The following SH3D19 variants were observed in gnomAD, a reference collection of about 807,000 sequenced individuals.
The protein encoded by SH3D19 is SH3 domain-containing protein 19.
A neutral mutation model predicts 112.1 loss-of-function variants in SH3D19; 58 were observed. That is an observed-to-expected ratio of 0.52 (90% CI 0.42 to 0.64). SH3D19 has a LOEUF of 0.64. Ranked by LOEUF, SH3D19 falls within the 30% of genes least tolerant of loss-of-function variation. The pLI is 0.00. For synonymous variants in SH3D19, 391 were observed against 448.5 expected (o/e 0.87, Z 1.62); for missense variants, 1,090 against 1,263.4 (o/e 0.86, Z 2.08).
chr4:151,156,415 T>A (rs1756112075), intron 9 of SH3D19, among the ~76,000 whole-genome samples: 1 of 152,126 alleles, frequency 6.6e-6, no homozygotes, highest in African/African-American at 2.4e-5. Context: ...CTACCAACTT[T>A]AAAATACACT....
chr4:151,321,090 C>A (rs184433413), intron 1 of SH3D19, among the ~76,000 whole-genome samples: 1 of 152,234 alleles, frequency 6.6e-6, no homozygotes. Context: ...ATAAATCTTA[C>A]AAACTTAATG....
chr4:151,312,906 AAAAAAAAATAAAT>A (rs1256354945), intron 1 of SH3D19, among the ~76,000 whole-genome samples: 2 of 150,628 alleles, frequency 1.3e-5, no homozygotes, highest in African/African-American at 2.4e-5. Context: ...ATCTCAAAAA[AAAAAAAAATAAAT>A]AAAATAAATA....
chr4:151,231,498 AC>A (rs1228492527), intron 1 of SH3D19, among the ~76,000 whole-genome samples: 2 of 152,140 alleles, frequency 1.3e-5, no homozygotes, highest in East Asian at 1.9e-4. Context: ...GTGTCTCCAA[AC>A]TGATTTTTAT....
At chr4:151,275,684 G>A (rs1773542871) in intron 1 of SH3D19, among the ~76,000 whole-genome samples, 1 of 150,164 alleles carries the variant, frequency 6.7e-6, no homozygotes, top group African/African-American at 2.5e-5. Flanking sequence ...ACTACACCAG[G>A]CTAATTTTTA....
intron 1 of SH3D19, among the ~76,000 whole-genome samples, chr4:151,309,930 T>C (rs186085262): frequency 2.0e-5 from 3 of 151,878 alleles, no homozygotes; most frequent in African/African-American, 2.4e-5. Context: ...GTCAAGGCTA[T>C]AGTGAGCAGA....
At chr4:151,279,136 C>A in intron 1 of SH3D19, 1 of 436,172 alleles carries the variant, frequency 2.3e-6, no homozygotes. Context: ...GGCCAGCACC[C>A]TGCAGCAGCA....
chr4:151,272,805 C>A (rs2149998695), intron 1 of SH3D19, among the ~76,000 whole-genome samples: 1 of 149,270 alleles, frequency 6.7e-6, no homozygotes, highest in East Asian at 2.0e-4. Flanking sequence ...GGGGTAACAT[C>A]AGGAGGCACA....
intron 14 of SH3D19, among the ~76,000 whole-genome samples, chr4:151,135,421 ATTTTTT>A (rs34291277): frequency 3.8e-4 from 33 of 87,488 alleles, no homozygotes; most frequent in East Asian, 7.6e-4. Context: ...TCTCTATCTC[ATTTTTT>A]TTTTTTTTTT....
intron 1 of SH3D19, among the ~76,000 whole-genome samples, chr4:151,259,031 G>T (rs1034056255): frequency 6.6e-6 from 1 of 152,106 alleles, no homozygotes; most frequent in Non-Finnish European, 1.5e-5. Context: ...GTAGCAGCAA[G>T]AATCCATCAA....
At chr4:151,292,121 G>A (rs1160478578) in intron 1 of SH3D19, among the ~76,000 whole-genome samples, 1 of 152,110 alleles carries the variant, frequency 6.6e-6, no homozygotes, top group East Asian at 1.9e-4. Flanking sequence ...GGGCAACACA[G>A]CCCCTGTCTC....
intron 2 of SH3D19, among the ~76,000 whole-genome samples, chr4:151,214,860 C>T (rs1179880317): frequency 1.3e-5 from 2 of 149,860 alleles, no homozygotes; most frequent in African/African-American, 4.9e-5. Flanking sequence ...CAGAGACGCT[C>T]CTCACTTCCC....
intron 1 of SH3D19, among the ~76,000 whole-genome samples, chr4:151,269,285 GT>G (rs1274414439): frequency 6.6e-6 from 1 of 152,066 alleles, no homozygotes; most frequent in Non-Finnish European, 1.5e-5. Context: ...TTTTGATGGG[GT>G]TGTTTGTTTT....
At chr4:151,188,304 C>T (rs946607123) in intron 2 of SH3D19, among the ~76,000 whole-genome samples, 6 of 152,112 alleles carry the variant, frequency 3.9e-5, no homozygotes, top group Non-Finnish European at 7.3e-5. Context: ...CAACTGTTTA[C>T]AGTAATACTG....
At chr4:151,215,441 G>A (rs1306188666) in intron 2 of SH3D19, among the ~76,000 whole-genome samples, 4 of 152,228 alleles carry the variant, frequency 2.6e-5, no homozygotes, top group Admixed American at 2.6e-4. Context: ...TTGAGGGAAT[G>A]TTTGTATTGT....
chr4:151,175,572 T>C lies in SH3D19; in HGVS notation c.632A>G (p.Glu211Gly). ...APLIVFDISE[E>G]PNCPENPSAT... Reference sequence around the variant, plus strand: ...ACTGGGGTTTTCTGGACAATTCGGTTCTTCAGAAATATCAAAGACGATTAA... The same window carrying C: ...ACTGGGGTTTTCTGGACAATTCGGTCCTTCAGAAATATCAAAGACGATTAA... Residue 211 changes from glutamate to glycine, a missense_variant, in exon 7 of 20, where the codon GAA becomes GGA. Transcript: ENST00000604030. 2 of 1,346,756 alleles carry C rather than the reference T, an allele frequency of 1.5e-6. No individual in the cohort carries two copies. The highest frequency in any genetic ancestry group is 1.9e-6 in the Non-Finnish European group (2 of 1,056,412). 83.4% of individuals were successfully genotyped at this position (1,346,756 alleles called of 1,614,324 possible). A position where few individuals can be genotyped will look rare whatever the true frequency, so the allele number is the denominator to read the frequency against.
intron 1 of SH3D19, among the ~76,000 whole-genome samples, chr4:151,300,812 C>T (rs781667906): frequency 6.6e-6 from 1 of 152,158 alleles, no homozygotes; most frequent in Non-Finnish European, 1.5e-5. Flanking sequence ...CTGTTGCAAA[C>T]AGCCAGAGGT....
At chr4:151,198,497 T>C (rs544499677) in intron 2 of SH3D19, among the ~76,000 whole-genome samples, 1 of 148,848 alleles carries the variant, frequency 6.7e-6, no homozygotes, top group East Asian at 1.9e-4. Flanking sequence ...CTTTCAAATG[T>C]GAATGCCCTA....
intron 2 of SH3D19, among the ~76,000 whole-genome samples, chr4:151,195,688 G>A (rs1487841641): frequency 6.6e-6 from 1 of 151,596 alleles, no homozygotes; most frequent in African/African-American, 2.4e-5. Flanking sequence ...CTCCTTCTCA[G>A]GCCATATACA....
intron 2 of SH3D19, among the ~76,000 whole-genome samples, chr4:151,191,945 C>CT (rs774312602): frequency 0.01 from 289 of 28,134 alleles, 3 homozygotes; most frequent in Middle Eastern, 0.042. Context: ...ACACCCAGCC[C>CT]TTTTTTTTTT....
Sources: gnomAD v4.1 joint callset for allele counts (sites outside exome capture counted in the v4.1 genomes callset) on GRCh38, gnomAD v4.1.1 for gene constraint, MANE v1.5 for transcripts, NCBI Gene and HGNC (gene_info 2026-07-23, HGNC 2026-07-21) for gene names.